PRKCE: variants seen among roughly 807,000 people sequenced by gnomAD.
The protein encoded by PRKCE is protein kinase C epsilon type.
PRKCE carries 16 observed loss-of-function variants against 85.4 expected under a neutral mutation model. The ratio of observed to expected loss-of-function variants is 0.19; its 90% CI spans 0.13 to 0.28. The LOEUF is 0.28. Ranked by LOEUF, PRKCE falls within the 10% of genes least tolerant of loss-of-function variation. The probability of loss-of-function intolerance (pLI) is 1.00; values close to 1 mark genes in which losing one functional copy is unlikely to be tolerated. For missense variants in PRKCE, 573 were observed against 975.2 expected (o/e 0.59, Z 5.49); for synonymous variants, 388 against 371.5 (o/e 1.04, Z -0.51).
intron 2 of PRKCE, among the ~76,000 whole-genome samples, chr2:45,958,800 ATATATATATATATATATTTTTTTTTTTT>A (rs2104399852): frequency 5.3e-5 from 1 of 18,826 alleles, no homozygotes; most frequent in Admixed American, 8.3e-4. Flanking sequence ...ACATATATAT[ATATATATATATATATATTTTTTTTTTTT>A]TTTTTTTTTT....
intron 2 of PRKCE, among the ~76,000 whole-genome samples, chr2:45,857,380 A>G (rs1217160117): frequency 6.6e-6 from 1 of 152,184 alleles, no homozygotes; most frequent in Non-Finnish European, 1.5e-5. Flanking sequence ...GTTCTTTAAG[A>G]GAGTTTTTAA....
At chr2:45,861,744 A>G (rs908754182) in intron 2 of PRKCE, among the ~76,000 whole-genome samples, 1 of 152,262 alleles carries the variant, frequency 6.6e-6, no homozygotes, top group Non-Finnish European at 1.5e-5. Flanking sequence ...CTGCCTAGGT[A>G]GTGCACAAAG....
At chr2:46,007,748 C>G (rs1705330223) in intron 9 of PRKCE, 87 bp downstream of exon 9, 3 of 1,384,282 alleles carry the variant, frequency 2.2e-6, no homozygotes. Flanking sequence ...GAGAGAGGAA[C>G]CTTTCAGCCT....
chr2:45,816,748 G>A (rs575333463), intron 1 of PRKCE, among the ~76,000 whole-genome samples: 5 of 152,122 alleles, frequency 3.3e-5, no homozygotes, highest in African/African-American at 1.2e-4. Context: ...GGATCAGATG[G>A]CCCCTTCCCA....
intron 1 of PRKCE, among the ~76,000 whole-genome samples, chr2:45,797,927 T>A (rs961209782): frequency 1.3e-5 from 2 of 152,212 alleles, no homozygotes; most frequent in Non-Finnish European, 2.9e-5. Context: ...ATTGCCAACA[T>A]AACAAAACAG....
intron 1 of PRKCE, among the ~76,000 whole-genome samples, chr2:45,837,164 C>G (rs1213509524): frequency 1.3e-5 from 2 of 152,242 alleles, no homozygotes; most frequent in East Asian, 1.9e-4. Context: ...GTGGAGTCCT[C>G]TTGATTTTGC....
At chr2:45,789,645 G>A (rs935126947) in intron 1 of PRKCE, among the ~76,000 whole-genome samples, 3 of 152,122 alleles carry the variant, frequency 2.0e-5, no homozygotes, top group Non-Finnish European at 2.9e-5. Context: ...TGGGGGAAAG[G>A]GGGGAAAGAC....
At chr2:45,900,757 T>C (rs1386322822) in intron 2 of PRKCE, among the ~76,000 whole-genome samples, 3 of 152,262 alleles carry the variant, frequency 2.0e-5, no homozygotes, top group Non-Finnish European at 4.4e-5. Context: ...AAATTTACCA[T>C]TTTAACCACG....
rs1171345984 is a variant in PRKCE at position 45,792,443 on chromosome 2, A to G, written c.349-50557A>G. 5.3e-5 allele frequency among the ~76,000 whole-genome samples: 8 copies of G among 152,250 alleles called. No homozygotes were observed. In the East Asian group the frequency reaches 1.2e-3, roughly 22 times the overall value. ...ATGAGTGCTCAGTAAATGCTAAGCT[A>G]TTGTCAGTGGTCACTTTCCATCCCT... On this transcript the variant is annotated intron_variant, in intron 1 of 14. Transcript: ENST00000306156.
intron 1 of PRKCE, among the ~76,000 whole-genome samples, chr2:45,825,741 A>G (rs1689893065): frequency 6.6e-6 from 1 of 152,150 alleles, no homozygotes; most frequent in Non-Finnish European, 1.5e-5. Flanking sequence ...AAAAAAAATT[A>G]GCCAGGCATG....
chr2:45,846,120 A>G (rs1691771703), intron 2 of PRKCE, among the ~76,000 whole-genome samples: 1 of 152,130 alleles, frequency 6.6e-6, no homozygotes, highest in African/African-American at 2.4e-5. Flanking sequence ...GGGTTCTGGT[A>G]AGGGTGGCTC....
At chr2:45,754,588 T>G (rs1313136842) in intron 1 of PRKCE, among the ~76,000 whole-genome samples, 1 of 152,204 alleles carries the variant, frequency 6.6e-6, no homozygotes, top group Non-Finnish European at 1.5e-5. Context: ...GTGGCCTGGT[T>G]TCATGCCAGA....
intron 14 of PRKCE, among the ~76,000 whole-genome samples, chr2:46,174,127 T>C (rs1224929810): frequency 6.6e-6 from 1 of 152,214 alleles, no homozygotes; most frequent in Non-Finnish European, 1.5e-5. Context: ...CCCTCAGAAG[T>C]GTTTTAGCGA....
chr2:45,915,813 AAGCC>A (rs1697727640), intron 2 of PRKCE, among the ~76,000 whole-genome samples: 2 of 152,134 alleles, frequency 1.3e-5, no homozygotes, highest in African/African-American at 4.8e-5. Context: ...AGGATGAGAG[AAGCC>A]AGTTCTTAGT....
At chr2:45,802,238 C>G (rs567729282) in intron 1 of PRKCE, among the ~76,000 whole-genome samples, 4 of 152,224 alleles carry the variant, frequency 2.6e-5, no homozygotes, top group African/African-American at 9.6e-5. Context: ...GCCTGGGTGA[C>G]AGAGTGAGAC....
chr2:45,725,688 G>T (rs1024659197), intron 1 of PRKCE, among the ~76,000 whole-genome samples: 2 of 152,120 alleles, frequency 1.3e-5, no homozygotes, highest in South Asian at 4.2e-4. Flanking sequence ...AAAATTAGCT[G>T]GGCGTGGTGG....
intron 1 of PRKCE, among the ~76,000 whole-genome samples, chr2:45,767,628 A>C (rs1471349115): frequency 6.6e-6 from 1 of 152,222 alleles, no homozygotes; most frequent in Non-Finnish European, 1.5e-5. Context: ...TTCTCCAATT[A>C]TTGCCTTGAA....
chr2:46,037,994 T>G (rs1036749928), intron 10 of PRKCE, among the ~76,000 whole-genome samples: 6 of 152,306 alleles, frequency 3.9e-5, no homozygotes, highest in Middle Eastern at 3.4e-3. Flanking sequence ...AGGGTTGTTT[T>G]AACGCTGGGA....
chr2:45,684,129 C>G (rs527760116), intron 1 of PRKCE, among the ~76,000 whole-genome samples: 1 of 152,300 alleles, frequency 6.6e-6, no homozygotes, highest in African/African-American at 2.4e-5. Flanking sequence ...TTCCCCTGTG[C>G]ATTCAGAGAG....
Sources: allele counts gnomAD v4.1 joint callset (sites outside exome capture counted in the v4.1 genomes callset), GRCh38; gene constraint gnomAD v4.1.1; transcripts MANE v1.5; gene names NCBI Gene and HGNC (gene_info 2026-07-23, HGNC 2026-07-21).